COMMD1: variants seen among roughly 807,000 people sequenced by gnomAD.
The protein encoded by COMMD1 is copper metabolism domain containing 1.
COMMD1 carries 10 observed loss-of-function variants against 17.2 expected under a neutral mutation model. That is an observed-to-expected ratio of 0.58 (90% confidence interval 0.36 to 0.99). The LOEUF (loss-of-function observed/expected upper bound fraction) is 0.99. Ranked by LOEUF, COMMD1 falls within the 50% of genes least tolerant of loss-of-function variation. The probability of loss-of-function intolerance (pLI) is 0.01; values close to 1 mark genes in which losing one functional copy is unlikely to be tolerated. For synonymous variants in COMMD1, 97 were observed against 91.6 expected, an observed-to-expected ratio of 1.06 and a Z score of -0.34; for missense variants, 270 against 231.8, an observed-to-expected ratio of 1.17 and a Z score of -1.07.
chr2:61,913,949 A>C (rs1277991898), intron 1 of COMMD1, among the ~76,000 whole-genome samples: 1 of 152,114 alleles, frequency 6.6e-6, no homozygotes, highest in Non-Finnish European at 1.5e-5. Flanking sequence ...AAGTGGGCGG[A>C]TCATGAGGTC....
intron 1 of COMMD1, among the ~76,000 whole-genome samples, chr2:61,906,431 A>G (rs1009375740): frequency 5.9e-5 from 9 of 152,240 alleles, no homozygotes; most frequent in African/African-American, 2.2e-4. Context: ...GAATAGCCAA[A>G]GTATTATCAC....
intron 1 of COMMD1, among the ~76,000 whole-genome samples, chr2:61,912,281 A>G (rs1245698306): frequency 6.6e-6 from 1 of 152,146 alleles, no homozygotes; most frequent in African/African-American, 2.4e-5. Flanking sequence ...ATGAATTGAG[A>G]GTGTTTAAAT....
chr2:62,080,491 A>T (rs1671485761), intron 2 of COMMD1, among the ~76,000 whole-genome samples: 1 of 152,106 alleles, frequency 6.6e-6, no homozygotes, highest in African/African-American at 2.4e-5. Flanking sequence ...GGGAGAAATC[A>T]CTGGGGGAGT....
intron 1 of COMMD1, among the ~76,000 whole-genome samples, chr2:61,910,305 C>CG (rs1669872337): frequency 6.6e-6 from 1 of 151,626 alleles, no homozygotes; most frequent in South Asian, 2.1e-4. Flanking sequence ...GGCTGGAGTG[C>CG]GGTGGCTCGA....
chr2:61,992,210 T>C (rs191954661), intron 1 of COMMD1, among the ~76,000 whole-genome samples: 1 of 152,336 alleles, frequency 6.6e-6, no homozygotes, highest in East Asian at 1.9e-4. Flanking sequence ...AATGGTATTG[T>C]CACTGGTAAT....
Position 61,971,167 on chromosome 2 carries a change from A to G in COMMD1, c.181-29534A>G, listed in dbSNP as rs144706112. ...AGGAAATTGAACACTCGAACAAAGG[A>G]TTTTTAGCAAAACAATTTTACTTCT... On this transcript the variant is annotated intron_variant, in intron 1 of 2. Coordinates refer to ENST00000311832, the MANE Select transcript of COMMD1 (RefSeq NM_152516.4). 3.0e-3 allele frequency among the ~76,000 whole-genome samples: 458 copies of G among 152,350 alleles called. 3 individuals are homozygous for G. Among genetic ancestry groups the G allele is most frequent in the Non-Finnish European group, 5.4e-3 (370 of 68,032 alleles).
At chr2:61,984,505 T>C (rs983404378) in intron 1 of COMMD1, among the ~76,000 whole-genome samples, 7 of 152,234 alleles carry the variant, frequency 4.6e-5, no homozygotes, top group African/African-American at 1.7e-4. Flanking sequence ...TTGTATTCCA[T>C]TGTGTTTAAA....
chr2:62,036,248 A>G lies in COMMD1; in HGVS notation c.462+35266A>G, dbSNP rs555048409. On this transcript the variant is annotated intron_variant, in intron 2 of 2. Coordinates refer to ENST00000311832, the MANE Select transcript of COMMD1 (RefSeq NM_152516.4). Reference sequence around the variant, plus strand: ...AAAATGAGTATCTTTCACACTGACAAGTTACATAATAATACTTTAAATAGT... The same window carrying G: ...AAAATGAGTATCTTTCACACTGACAGGTTACATAATAATACTTTAAATAGT... 7.3e-4 allele frequency among the ~76,000 whole-genome samples: 111 copies of G among 152,334 alleles called. 2 individuals carry two copies. The highest frequency in any genetic ancestry group is 2.6e-3 in the African/African-American group (110 of 41,562).
intron 1 of COMMD1, among the ~76,000 whole-genome samples, chr2:61,998,095 TTTCTCACCTC>T (rs1434957404): frequency 2.6e-5 from 4 of 152,210 alleles, no homozygotes; most frequent in African/African-American, 4.8e-5. Context: ...TTCTGTAAAC[TTTCTCACCTC>T]TCTCAACCTA....
intron 2 of COMMD1, among the ~76,000 whole-genome samples, chr2:62,126,273 T>C (rs1046673234): frequency 2.0e-5 from 3 of 152,212 alleles, no homozygotes; most frequent in African/African-American, 7.2e-5. Context: ...TTATATTCCT[T>C]TGGGTATATA....
At chr2:61,913,399 C>T (rs1050604534) in intron 1 of COMMD1, among the ~76,000 whole-genome samples, 2 of 147,236 alleles carry the variant, frequency 1.4e-5, no homozygotes, top group Non-Finnish European at 1.5e-5. Flanking sequence ...GAAAAGTGGC[C>T]GGGCATGGTG....
intron 1 of COMMD1, among the ~76,000 whole-genome samples, chr2:61,912,621 G>T (rs779856621): frequency 2.0e-5 from 3 of 151,994 alleles, no homozygotes; most frequent in Non-Finnish European, 4.4e-5. Context: ...TGTAGTCCCA[G>T]CTACTCAGGA....
intron 2 of COMMD1, chr2:62,118,365 C>G (rs1672658480): frequency 6.6e-6 from 1 of 152,108 alleles, no homozygotes; most frequent in Non-Finnish European, 1.5e-5. Context: ...AACAAAGGCC[C>G]CAGCAACCCA....
At chr2:62,062,966 C>G (rs1304483389) in intron 2 of COMMD1, among the ~76,000 whole-genome samples, 1 of 151,746 alleles carries the variant, frequency 6.6e-6, no homozygotes, top group Non-Finnish European at 1.5e-5. Context: ...TGCCTGTAAT[C>G]CTAGCACTTT....
chr2:62,118,533 C>T (rs1364540268), intron 2 of COMMD1, among the ~76,000 whole-genome samples: 3 of 152,158 alleles, frequency 2.0e-5, no homozygotes, highest in Non-Finnish European at 2.9e-5. Flanking sequence ...ATCCCTCATC[C>T]CCATATTATT....
chr2:61,965,000 T>C (rs7604016), intron 1 of COMMD1, among the ~76,000 whole-genome samples: 150,390 of 152,262 alleles, frequency 0.99, 74,278 homozygotes, highest in Middle Eastern at 1. Flanking sequence ...CGTGCCACTG[T>C]ACTCCAGCCT....
intron 2 of COMMD1, among the ~76,000 whole-genome samples, chr2:62,113,339 A>G (rs1179325393): frequency 1.3e-5 from 2 of 152,122 alleles, no homozygotes; most frequent in Non-Finnish European, 2.9e-5. Context: ...GCAGCAGAGC[A>G]AGACACCGTC....
chr2:62,041,689 C>T (rs1409189827), intron 2 of COMMD1, among the ~76,000 whole-genome samples: 2 of 152,184 alleles, frequency 1.3e-5, no homozygotes, highest in African/African-American at 2.4e-5. Context: ...TTCTTGGTCT[C>T]GCTGACTTCA....
At chr2:62,048,731 G>C (rs1030174867) in intron 2 of COMMD1, among the ~76,000 whole-genome samples, 2 of 151,680 alleles carry the variant, frequency 1.3e-5, no homozygotes, top group Non-Finnish European at 2.9e-5. Flanking sequence ...CATATCATCA[G>C]ATTTTGAAAG....
Sources: allele counts gnomAD v4.1 joint callset (sites outside exome capture counted in the v4.1 genomes callset), GRCh38; gene constraint gnomAD v4.1.1; transcripts MANE v1.5; gene names NCBI Gene and HGNC (gene_info 2026-07-23, HGNC 2026-07-21).